Variants in GRHL1 observed in about 807,000 individuals in gnomAD.
The protein encoded by GRHL1 is grainyhead-like protein 1 homolog.
Under a neutral mutation model 75.7 loss-of-function variants are expected in GRHL1, and 38 were observed. The observed-to-expected ratio is 0.50, with a 90% CI of 0.39 to 0.66. The LOEUF is 0.66. Among genes scored for constraint, GRHL1 ranks in the 30% least tolerant of loss-of-function variants. The pLI is 0.00. For synonymous variants in GRHL1, 266 were observed against 279.4 expected, an observed-to-expected ratio of 0.95 and a Z score of 0.48; for missense variants, 589 against 767.5, an observed-to-expected ratio of 0.77 and a Z score of 2.75.
At position 9,968,772 on chromosome 2, in the gene GRHL1, C is replaced by G. The variant is rs1354323459; in HGVS notation, c.1110+3391C>G. The stretch of plus-strand genomic sequence containing the variant: ...AGCTGGATCAACATTTTCTCTGGAG[C>G]CAGCGATGCAGCTTTGCAGGAATTC... On this transcript the variant is annotated intron_variant, in intron 8 of 15. Transcript: ENST00000324907. This position sits in a 1 kb window ranked among gnomAD's most constrained non-coding sequence, Gnocchi z 4.7. Among the ~76,000 whole-genome samples, 3 of 152,096 alleles carry G rather than the reference C, an allele frequency of 2.0e-5. No homozygotes were observed. Among genetic ancestry groups the G allele is most frequent in the African/African-American group, 7.2e-5 (3 of 41,394 alleles).
chr2:9,992,193 G>A lies in GRHL1; in HGVS notation c.1461+47G>A. 1.3e-6 allele frequency: 2 copies of A among 1,574,446 alleles called. No individual in the cohort carries two copies. The highest frequency in any genetic ancestry group is 1.7e-6 in the Non-Finnish European group (2 of 1,155,206). On this transcript the variant is annotated intron_variant, in intron 11 of 15. Coordinates refer to ENST00000324907, the MANE Select transcript of GRHL1 (RefSeq NM_198182.3). The surrounding 1 kb of genome is among the most constrained non-coding windows in gnomAD (Gnocchi z 4.6). ...GGAGGTTACCAGGAAGGAAGGCATG[G>A]CAAAAGGAAATTCTTTGGCATTATT...
In GRHL1 at chr2:9,987,408, G is replaced by A. The variant is rs1668469244; in HGVS notation, c.1269+1126G>A. 6.6e-6 allele frequency among the ~76,000 whole-genome samples: 1 copy of A among 152,208 alleles called. No individual in the cohort carries two copies. The highest frequency in any genetic ancestry group is 2.1e-4 in the South Asian group (1 of 4,826). ...GGCATGTCTGATAAGTAAAGGAGGT[G>A]CACACAGGACCCTCTGAGCCCAGCT... On this transcript the variant is annotated intron_variant, in intron 9 of 15. Coordinates refer to ENST00000324907, the MANE Select transcript of GRHL1 (RefSeq NM_198182.3). This position sits in a 1 kb window ranked among gnomAD's most constrained non-coding sequence, Gnocchi z 4.2.
chr2:9,961,018 G>A (rs1421987760), intron 3 of GRHL1, 28 bp from the exon 4 acceptor site: 9 of 1,509,960 alleles, frequency 6.0e-6, no homozygotes, highest in East Asian at 2.5e-5. Context: ...TCAGCATCGC[G>A]TTTGAAAGCA....
chr2:9,967,588 A>G (rs2125216316), intron 8 of GRHL1, among the ~76,000 whole-genome samples: 1 of 151,580 alleles, frequency 6.6e-6, no homozygotes, highest in East Asian at 1.9e-4. Context: ...GCCTGCCGCC[A>G]GAAGGGTGTT....
At chr2:9,977,276 A>C (rs999964248) in intron 8 of GRHL1, among the ~76,000 whole-genome samples, 2 of 151,122 alleles carry the variant, frequency 1.3e-5, no homozygotes, top group African/African-American at 4.9e-5. Flanking sequence ...TCTCATTACT[A>C]GTATTTAATT....
At chr2:9,991,827 C>T (rs1443621829) in intron 10 of GRHL1, among the ~76,000 whole-genome samples, 180 bp from the exon 11 acceptor site, 1 of 152,176 alleles carries the variant, frequency 6.6e-6, no homozygotes, top group African/African-American at 2.4e-5. Context: ...AGTGGAAATA[C>T]ACACAACAAA....
chr2:10,002,001 T>C lies in GRHL1; in HGVS notation c.*1294T>C, dbSNP rs987342739. 8 of 152,758 alleles carry C rather than the reference T, an allele frequency of 5.2e-5. No individual in the cohort carries two copies. Among genetic ancestry groups the C allele is most frequent in the African/African-American group, 1.9e-4 (8 of 41,580 alleles). 9.5% of individuals were successfully genotyped at this position (152,758 alleles called of 1,614,324 possible). A position where few individuals can be genotyped will look rare whatever the true frequency, so the allele number is the denominator to read the frequency against. ...ATTTAAGTATATAAAAATACTAAAA[T>C]ATGTAATTTTATAACAAAGTCACGG... On this transcript the variant is annotated 3_prime_UTR_variant, in exon 16 of 16. Transcript: ENST00000324907.
intron 8 of GRHL1, among the ~76,000 whole-genome samples, chr2:9,985,886 A>C (rs1334970159): frequency 6.6e-6 from 1 of 152,224 alleles, no homozygotes; most frequent in Non-Finnish European, 1.5e-5. Flanking sequence ...GAACATAAGC[A>C]GAGGTTCAGA....
intron 7 of GRHL1, 126 bp downstream of exon 7, chr2:9,964,472 C>G (rs560582327): frequency 1.0e-4 from 62 of 614,658 alleles, no homozygotes; most frequent in East Asian, 7.8e-4. Flanking sequence ...AGCTACTGAT[C>G]TGTTCCAAAC....
intron 8 of GRHL1, among the ~76,000 whole-genome samples, chr2:9,984,189 C>T (rs554107467): frequency 1.1e-4 from 16 of 151,980 alleles, no homozygotes; most frequent in Non-Finnish European, 2.2e-4. Flanking sequence ...TATAGCTGCC[C>T]CCCAACCCCA....
rs1229931431 is a variant in GRHL1, at chr2:9,986,203, T to C, written c.1190T>C (p.Val397Ala). 1 of 1,613,642 alleles carries C rather than the reference T, an allele frequency of 6.2e-7. No homozygotes were observed. ...AAGGGGTTGCCTCTTAACATTCAAG[T>C]TGATACCTATAGTTACAACAACCGC... ...GVKGLPLNIQ[V>A]DTYSYNNRSN... The change falls in exon 9 of 16, where the codon GTT (valine) becomes GCT (alanine). Residue 397 changes from valine to alanine, a missense_variant. Physicochemically the swap from Val to Ala is moderately conservative, Grantham distance 64 (BLOSUM62 0). Around this residue, in one of 5 missense-constraint regions of GRHL1, gnomAD observed 30 missense variants for 40.3 expected, o/e 0.74. Coordinates refer to ENST00000324907, the MANE Select transcript of GRHL1 (RefSeq NM_198182.3).
intron 2 of GRHL1, among the ~76,000 whole-genome samples, chr2:9,957,785 C>G (rs1667098044): frequency 6.6e-6 from 1 of 152,146 alleles, no homozygotes; most frequent in African/African-American, 2.4e-5. Flanking sequence ...TTTTAAGCAC[C>G]TTAGCCATTT....
At chr2:9,952,786 A>G (rs1254493657) in intron 1 of GRHL1, 2 of 269,278 alleles carry the variant, frequency 7.4e-6, no homozygotes, top group East Asian at 1.9e-4. Flanking sequence ...TAAGGCAGAT[A>G]GGTACCCCTC....
intron 9 of GRHL1, among the ~76,000 whole-genome samples, chr2:9,988,779 C>G (rs1351766591): frequency 6.6e-6 from 1 of 152,148 alleles, no homozygotes; most frequent in Admixed American, 6.5e-5. Flanking sequence ...AGGGCCTTCT[C>G]GTTCTTGTTT....
intron 2 of GRHL1, among the ~76,000 whole-genome samples, chr2:9,955,601 A>G (rs1218641489): frequency 6.6e-6 from 1 of 152,238 alleles, no homozygotes; most frequent in Admixed American, 6.5e-5. Flanking sequence ...TTAATTAAAT[A>G]TAATCTATAC....
At chr2:9,983,679 C>T (rs1236095933) in intron 8 of GRHL1, among the ~76,000 whole-genome samples, 1 of 151,934 alleles carries the variant, frequency 6.6e-6, no homozygotes, top group African/African-American at 2.4e-5. Context: ...AATTGAGCCA[C>T]GTGGCCTAGA....
At chr2:9,962,569 C>T (rs367821928) in intron 5 of GRHL1, 38 bp downstream of exon 5, 6 of 1,070,578 alleles carry the variant, frequency 5.6e-6, no homozygotes, top group East Asian at 4.7e-5. Context: ...TAATTTGCAG[C>T]TTTTATAACT....
chr2:9,954,452 T>G (rs1301969846), intron 1 of GRHL1, among the ~76,000 whole-genome samples: 6 of 152,206 alleles, frequency 3.9e-5, no homozygotes, highest in African/African-American at 1.4e-4. Flanking sequence ...CAGGTAGGAA[T>G]TTTTAAGGCA....
Position 9,992,135 on chromosome 2 carries a change from C to G in GRHL1, c.1450C>G (p.Arg484Gly), listed in dbSNP as rs752785790. ...TGACGTGCACTTTGCCAACTTGCAG[C>G]GGGGCACTCATGTAGGTAACCAGGA... ...IPDVHFANLQ[R>G]GTHVLPIASE... is the part of the protein sequence containing the mutation. The change falls in exon 11 of 16, where the codon CGG becomes GGG. Residue 484 changes from arginine to glycine, a missense_variant. By Grantham distance (125) the Arg-to-Gly change is moderately radical (BLOSUM62 -2). Transcript: ENST00000324907. The surrounding 1 kb of genome is among the most constrained non-coding windows in gnomAD (Gnocchi z 4.6). 6.2e-7 allele frequency: 1 copy of G among 1,612,748 alleles called. No individual in the cohort carries two copies. Among genetic ancestry groups the G allele is most frequent in the Non-Finnish European group, 8.5e-7 (1 of 1,179,448 alleles).
Sources: gnomAD v4.1 joint callset for allele counts (sites outside exome capture counted in the v4.1 genomes callset) on GRCh38, gnomAD v4.1.1 for gene constraint, gnomAD v4.1.1 regional missense constraint, Gnocchi (gnomAD v3.1) non-coding constraint, MANE v1.5 for transcripts, NCBI Gene and HGNC (gene_info 2026-07-23, HGNC 2026-07-21) for gene names.